The following ZNF341 variants were observed in gnomAD, a reference collection of about 807,000 sequenced individuals.
ZNF341 encodes zinc finger protein 341.
In ZNF341, 52 loss-of-function variants were observed where a neutral mutation model predicts 87.7. That is an observed-to-expected ratio of 0.59 (90% confidence interval 0.47 to 0.75). The LOEUF (loss-of-function observed/expected upper bound fraction) is 0.75, where lower values mean the gene tolerates loss of function less well. Ranked by LOEUF, ZNF341 falls within the 30% of genes least tolerant of loss-of-function variation. The pLI, the probability that ZNF341 is intolerant of heterozygous loss-of-function variation, is 0.00. For synonymous variants in ZNF341, 459 were observed against 472.7 expected (o/e 0.97, Z 0.38); for missense variants, 977 against 1,145.9 (o/e 0.85, Z 2.13).
At chr20:33,753,500 G>A in intron 5 of ZNF341, 77 bp downstream of exon 5, 1 of 1,457,008 alleles carries the variant, frequency 6.9e-7, no homozygotes, top group Non-Finnish European at 9.0e-7. Context: ...CTGAGCACCA[G>A]CTGTGTGCCA....
intron 10 of ZNF341, among the ~76,000 whole-genome samples, chr20:33,779,703 A>G (rs556489193): frequency 6.6e-6 from 1 of 152,214 alleles, no homozygotes; most frequent in South Asian, 2.1e-4. Context: ...TGCCCACCTC[A>G]GCCTCCCAAA....
At chr20:33,769,924 T>C (rs2019489352) in intron 9 of ZNF341, among the ~76,000 whole-genome samples, 160 bp from the exon 10 acceptor site, 1 of 151,836 alleles carries the variant, frequency 6.6e-6, no homozygotes, top group Non-Finnish European at 1.5e-5. Context: ...AATGAATGAA[T>C]GAATGAATAA....
chr20:33,764,398 A>C (rs2019354811), intron 8 of ZNF341, among the ~76,000 whole-genome samples: 1 of 150,222 alleles, frequency 6.7e-6, no homozygotes, highest in Non-Finnish European at 1.5e-5. Context: ...ATGAAATAAA[A>C]TTTTCTAGTA....
chr20:33,759,885 G>A (rs936209650), intron 7 of ZNF341, among the ~76,000 whole-genome samples: 1 of 152,110 alleles, frequency 6.6e-6, no homozygotes, highest in Non-Finnish European at 1.5e-5. Flanking sequence ...CTGACGTTTT[G>A]GATCTTGGAT....
chr20:33,790,976 C>G lies in ZNF341; in HGVS notation c.2036-12C>G. On this transcript the variant is annotated splice_polypyrimidine_tract_variant and intron_variant, in intron 14 of 14. Transcript: ENST00000375200. ...TCTGGATGCTTCTCACTGACTTTCC[C>G]TTGCCCTCCAGGCATGAAGCTCCAC... The G allele has an allele frequency of 6.2e-7, 1 of 1,603,394 alleles. No homozygotes were observed. The highest frequency in any genetic ancestry group is 8.5e-7 in the Non-Finnish European group (1 of 1,174,028).
intron 2 of ZNF341, among the ~76,000 whole-genome samples, chr20:33,743,014 C>G (rs1022736583): frequency 3.3e-5 from 5 of 151,600 alleles, no homozygotes; most frequent in Non-Finnish European, 7.4e-5. Context: ...GGCAACACAA[C>G]AGGACCCTGT....
At chr20:33,773,558 G>T (rs1396212848) in intron 10 of ZNF341, among the ~76,000 whole-genome samples, 2 of 152,198 alleles carry the variant, frequency 1.3e-5, no homozygotes, top group Non-Finnish European at 2.9e-5. Context: ...GCCACTCTGA[G>T]CCTCGGTTTT....
intron 4 of ZNF341, among the ~76,000 whole-genome samples, chr20:33,751,175 T>C (rs979245768): frequency 6.6e-6 from 1 of 152,188 alleles, no homozygotes; most frequent in Non-Finnish European, 1.5e-5. Context: ...ATTGCTGTTT[T>C]TTGCTTTTAT....
chr20:33,782,380 C>T (rs1265420327), intron 11 of ZNF341, among the ~76,000 whole-genome samples: 5 of 152,192 alleles, frequency 3.3e-5, no homozygotes, highest in African/African-American at 1.2e-4. Flanking sequence ...CAGCGGTGTT[C>T]CCCGCAGTCT....
chr20:33,765,572 G>A (rs752909117), intron 8 of ZNF341, among the ~76,000 whole-genome samples: 13 of 151,830 alleles, frequency 8.6e-5, no homozygotes, highest in South Asian at 2.1e-4. Context: ...TAGAGATGGC[G>A]TCTCATTATG....
rs370107539 is a variant in ZNF341, at chr20:33,791,221, G to C, written c.2269G>C (p.Gly757Arg). The stretch of plus-strand genomic sequence containing the variant: ...GAGGAGGGCAGCCCCCCGCAGTTGC[G>C]GCAGTGGTGGGCGCAAGGTGCTGAC... ...PQRRAAPRSC[G>R]SGGRKVLTPL... The change falls in exon 15 of 15, where the codon GGC becomes CGC. Residue 757 changes from glycine to arginine, a missense_variant. Around this residue, in one of 3 missense-constraint regions of ZNF341, gnomAD observed 221 missense variants for 212.7 expected, o/e 1.04. Transcript: ENST00000375200. The C allele has an allele frequency of 1.4e-5, 22 of 1,612,062 alleles. No individual in the cohort carries two copies. The African/African-American group carries it at 2.7e-4, about 20-fold the overall frequency.
At chr20:33,782,307 G>T (rs564947075) in intron 11 of ZNF341, among the ~76,000 whole-genome samples, 57 of 152,298 alleles carry the variant, frequency 3.7e-4, no homozygotes, top group African/African-American at 1.2e-3. Context: ...CACCACCCCT[G>T]ACCACTGCTC....
At chr20:33,757,977 G>C (rs567326923) in intron 6 of ZNF341, among the ~76,000 whole-genome samples, 31 of 152,214 alleles carry the variant, frequency 2.0e-4, no homozygotes, top group Middle Eastern at 3.4e-3. Flanking sequence ...AGCAGATGGA[G>C]AGGATAGAAA....
intron 8 of ZNF341, among the ~76,000 whole-genome samples, chr20:33,764,559 ATATTTTTTTTTTTTT>A (rs2019363645): frequency 2.0e-5 from 1 of 48,952 alleles, no homozygotes; most frequent in Non-Finnish European, 3.3e-5. Flanking sequence ...ATATATATAT[ATATTTTTTTTTTTTT>A]TTTTTTTTTT....
chr20:33,775,202 A>G (rs1031730679), intron 10 of ZNF341, among the ~76,000 whole-genome samples: 2 of 151,772 alleles, frequency 1.3e-5, no homozygotes, highest in Admixed American at 6.6e-5. Context: ...GTCAGAGTTG[A>G]AAGGGTTTTG....
At position 33,757,197 on chromosome 20, in the gene ZNF341, A is replaced by G; in HGVS notation, c.791A>G (p.Tyr264Cys). The change falls in exon 6 of 15, where the codon TAC (tyrosine) becomes TGC (cysteine). Residue 264 changes from tyrosine to cysteine, a missense_variant. Around this residue, in one of 3 missense-constraint regions of ZNF341, gnomAD observed 515 missense variants for 598.2 expected, o/e 0.86. Coordinates refer to ENST00000375200, the MANE Select transcript of ZNF341 (RefSeq NM_001282933.2). ...CCAGTATATCCCACCCCCACAGTGT[A>G]CAGCCCTGGCAAACAGGGATTCAAA... The part of the protein sequence containing the change: ...EPPVYPTPTV[Y>C]SPGKQGFKPK... 6.3e-7 allele frequency: 1 copy of G among 1,595,242 alleles called. No homozygotes were observed. Among genetic ancestry groups the G allele is most frequent in the East Asian group, 2.3e-5 (1 of 42,890 alleles).
At chr20:33,759,851 C>T (rs992010248) in intron 7 of ZNF341, among the ~76,000 whole-genome samples, 1 of 151,966 alleles carries the variant, frequency 6.6e-6, no homozygotes, top group Non-Finnish European at 1.5e-5. Flanking sequence ...CTATCTAGAC[C>T]AGGGTTTTTC....
chr20:33,781,415 G>T lies in ZNF341; in HGVS notation c.1719+28G>T, dbSNP rs747886195. 3.7e-6 allele frequency: 6 copies of T among 1,602,806 alleles called. No individual in the cohort carries two copies. In the East Asian group the frequency reaches 1.1e-4, roughly 30 times the overall value. Reference sequence around the variant, plus strand: ...GGGTGCCACTGTCCTCTTTTCTGGGGCCTAGGCTATAATAAGGGCAAGGAG... The same window carrying T: ...GGGTGCCACTGTCCTCTTTTCTGGGTCCTAGGCTATAATAAGGGCAAGGAG... On this transcript the variant is annotated intron_variant, in intron 11 of 14. Coordinates refer to ENST00000375200, the MANE Select transcript of ZNF341 (RefSeq NM_001282933.2).
Position 33,791,605 on chromosome 20 carries a change from T to C in ZNF341, c.*88T>C, listed in dbSNP as rs1320613315. ...GGGGCAGACCGGTGATCCTTACCAG[T>C]GGAAGCGAGCCATCGAGCCATTGGC... On this transcript the variant is annotated 3_prime_UTR_variant, in exon 15 of 15. Transcript: ENST00000375200. 1.5e-6 allele frequency: 2 copies of C among 1,365,238 alleles called. No homozygotes were observed. Among genetic ancestry groups the C allele is most frequent in the East Asian group, 5.1e-5 (2 of 39,532 alleles). 84.6% of individuals were successfully genotyped at this position (1,365,238 alleles called of 1,614,324 possible). A position where few individuals can be genotyped will look rare whatever the true frequency, so the allele number is the denominator to read the frequency against.
Sources: allele counts gnomAD v4.1 joint callset (sites outside exome capture counted in the v4.1 genomes callset), GRCh38; gene constraint gnomAD v4.1.1; regional missense constraint gnomAD v4.1.1; transcripts MANE v1.5; gene names NCBI Gene and HGNC (gene_info 2026-07-23, HGNC 2026-07-21).